TRMT9B: variants seen among roughly 807,000 people sequenced by gnomAD.
TRMT9B encodes the protein tRNA methyltransferase 9B (putative).
A neutral mutation model predicts 11.5 loss-of-function variants in TRMT9B; 16 were observed. The observed-to-expected ratio is 1.39, with a 90% CI of 0.94 to 2.11. TRMT9B has a LOEUF of 2.11. TRMT9B is among the 30% of genes most tolerant of loss of function. The pLI is 0.00. For missense variants in TRMT9B, 941 were observed against 553.8 expected, an observed-to-expected ratio of 1.70 and a Z score of -7.02; for synonymous variants, 274 against 192.4, an observed-to-expected ratio of 1.42 and a Z score of -3.51.
At chr8:13,019,707 C>G (rs902717970) in intron 4 of TRMT9B, among the ~76,000 whole-genome samples, 3 of 152,212 alleles carry the variant, frequency 2.0e-5, no homozygotes, top group African/African-American at 7.2e-5. Context: ...CAGGACTCTA[C>G]TTCTAGAAAG....
chr8:13,010,776 T>C, intron 3 of TRMT9B: 1 of 982,982 alleles, frequency 1.0e-6, no homozygotes, highest in Non-Finnish European at 1.2e-6. Flanking sequence ...AGGTTATTTT[T>C]CTTAAAATAG....
chr8:12,993,517 G>T (rs1043451152), intron 2 of TRMT9B, among the ~76,000 whole-genome samples: 2 of 152,156 alleles, frequency 1.3e-5, no homozygotes, highest in African/African-American at 4.8e-5. Context: ...GGATAGATGT[G>T]GGGGGTGCAG....
At chr8:13,008,874 G>T (rs1811013462) in intron 3 of TRMT9B, among the ~76,000 whole-genome samples, 1 of 152,036 alleles carries the variant, frequency 6.6e-6, no homozygotes, top group South Asian at 2.1e-4. Context: ...GACTACAGTT[G>T]CCCGCCACCA....
At chr8:12,951,878 C>A (rs955493480) in intron 1 of TRMT9B, 1 of 152,330 alleles carries the variant, frequency 6.6e-6, no homozygotes, top group Non-Finnish European at 1.5e-5. Context: ...GCGAAGCACC[C>A]CCGACCGGGC....
intron 2 of TRMT9B, among the ~76,000 whole-genome samples, chr8:12,994,726 G>A (rs1045638038): frequency 1.2e-4 from 19 of 152,044 alleles, no homozygotes; most frequent in East Asian, 1.9e-4. Flanking sequence ...CTGTTGCCCC[G>A]GCTGGAGTGC....
In TRMT9B at chr8:13,021,758, T is replaced by G; in HGVS notation, c.1079T>G (p.Val360Gly). The G allele has an allele frequency of 6.2e-7, 1 of 1,613,984 alleles. No individual in the cohort carries two copies. The part of the protein sequence containing the change: ...LDSTNTGVNC[V>G]DAGNIEDDNP... ...AGCACTAATACTGGTGTGAATTGTG[T>G]GGATGCAGGCAACATAGAAGATGAT... Residue 360 changes from valine (V) to glycine (G), a missense_variant, in exon 5 of 5, where the codon GTG (valine) becomes GGG (glycine). By Grantham distance (109) the Val-to-Gly change is moderately radical (BLOSUM62 -3). Transcript: ENST00000524591.
At chr8:12,950,685 A>G (rs9694138) in intron 1 of TRMT9B, among the ~76,000 whole-genome samples, 8,738 of 152,280 alleles carry the variant, frequency 0.057, 661 homozygotes, top group African/African-American at 0.16. Flanking sequence ...CTGTGGCACT[A>G]GAAAACGATT....
chr8:13,024,093 G>C lies in TRMT9B; in HGVS notation c.*2049G>C, dbSNP rs562693537. 1 of 140,082 alleles carries C rather than the reference G, an allele frequency of 7.1e-6. No individual in the cohort carries two copies. Among genetic ancestry groups the C allele is most frequent in the Non-Finnish European group, 1.5e-5 (1 of 65,610 alleles). The allele number at this position is 140,082 out of a possible 1,614,324, so 8.7% of individuals were successfully genotyped here. A position where few individuals can be genotyped will look rare whatever the true frequency, so the allele number is the denominator to read the frequency against. ...GAGTCTCGCTCTGTCGCCCAGGCTG[G>C]AGTGCACTGGCGCGATCTCGGCTCA... On this transcript the variant is annotated 3_prime_UTR_variant, in exon 5 of 5. Coordinates refer to ENST00000524591, the MANE Select transcript of TRMT9B (RefSeq NM_020844.3).
intron 4 of TRMT9B, among the ~76,000 whole-genome samples, chr8:13,020,349 G>A (rs764361545): frequency 1.3e-5 from 2 of 152,150 alleles, no homozygotes; most frequent in Admixed American, 6.6e-5. Context: ...ACACACTTAT[G>A]ACTTGATAAA....
chr8:12,985,107 T>A (rs920578666), intron 1 of TRMT9B, among the ~76,000 whole-genome samples: 5 of 152,250 alleles, frequency 3.3e-5, no homozygotes, highest in African/African-American at 1.2e-4. Flanking sequence ...TTGACATTTT[T>A]CGAGGAAAAC....
At chr8:13,003,317 C>CG (rs1809805998) in intron 2 of TRMT9B, among the ~76,000 whole-genome samples, 1 of 151,918 alleles carries the variant, frequency 6.6e-6, no homozygotes, top group Non-Finnish European at 1.5e-5. Flanking sequence ...TGGGATACCA[C>CG]TCACTCACAT....
chr8:13,011,874 T>C, intron 3 of TRMT9B: 1 of 983,148 alleles, frequency 1.0e-6, no homozygotes, highest in Middle Eastern at 5.2e-4. Context: ...AAGTTCAAAT[T>C]TTAAAAATTT....
chr8:12,954,852 G>A (rs1375114238), intron 1 of TRMT9B, among the ~76,000 whole-genome samples: 2 of 152,140 alleles, frequency 1.3e-5, no homozygotes, highest in Admixed American at 1.3e-4. Flanking sequence ...ACCACTCAAA[G>A]AAGACATTTT....
In TRMT9B at chr8:13,016,026, C is replaced by T. The variant is rs558569048; in HGVS notation, c.328+3169C>T. Among the ~76,000 whole-genome samples the T allele has an allele frequency of 2.5e-3, 382 of 150,746 alleles. 2 individuals are homozygous for T. The highest frequency in any genetic ancestry group is 8.5e-3 in the African/African-American group (347 of 41,046). The stretch of plus-strand genomic sequence containing the variant: ...TTTGGGAGGCTGGGGTGAGAGGATC[C>T]TTTGAGTTCAGGAGTTTGAGTCCAG... On this transcript the variant is annotated intron_variant, in intron 4 of 4. Coordinates refer to ENST00000524591, the MANE Select transcript of TRMT9B (RefSeq NM_020844.3).
chr8:12,998,831 C>T (rs1808835819), intron 2 of TRMT9B, among the ~76,000 whole-genome samples: 1 of 152,202 alleles, frequency 6.6e-6, no homozygotes, highest in African/African-American at 2.4e-5. Flanking sequence ...TGAATATGTG[C>T]ATAGCTTTCC....
rs1478641933 is a variant in TRMT9B, at chr8:13,021,845, C to T, written c.1166C>T (p.Pro389Leu). 2 of 1,613,536 alleles carry T rather than the reference C, an allele frequency of 1.2e-6. No individual in the cohort carries two copies. Among genetic ancestry groups the T allele is most frequent in the African/African-American group, 1.3e-5 (1 of 74,906 alleles). Residue 389 changes from proline to leucine, a missense_variant, in exon 5 of 5, where the codon CCA becomes CTA. Physicochemically the swap from Pro to Leu is moderately conservative, Grantham distance 98 (BLOSUM62 -3). Coordinates refer to ENST00000524591, the MANE Select transcript of TRMT9B (RefSeq NM_020844.3). ...ISAVDSTDFNPDDTMSVEDPQ... is the reference protein window; with the variant it reads ...ISAVDSTDFNLDDTMSVEDPQ... ...GCAGTTGATTCCACAGATTTCAACC[C>T]AGATGATACAATGTCTGTCGAAGAT...
chr8:13,023,446 T>C lies in TRMT9B; in HGVS notation c.*1402T>C, dbSNP rs182986266. The C allele has an allele frequency of 3.0e-5, 5 of 167,206 alleles. No individual in the cohort carries two copies. The highest frequency in any genetic ancestry group is 6.5e-5 in the Admixed American group (1 of 15,306). The allele number at this position is 167,206 out of a possible 1,614,324, so 10.4% of individuals were successfully genotyped here. A position where few individuals can be genotyped will look rare whatever the true frequency, so the allele number is the denominator to read the frequency against. On this transcript the variant is annotated 3_prime_UTR_variant, in exon 5 of 5. Transcript: ENST00000524591. Reference sequence around the variant, plus strand: ...TTAGGTAGAATCAACTTCTACTGATTACAGGTTGAATTTCTGTCACTTTGT... The same window carrying C: ...TTAGGTAGAATCAACTTCTACTGATCACAGGTTGAATTTCTGTCACTTTGT...
At position 13,012,930 on chromosome 8, in the gene TRMT9B, T is replaced by G. The variant is rs1420859234; in HGVS notation, c.328+73T>G. 1.2e-5 allele frequency: 18 copies of G among 1,514,330 alleles called. No individual in the cohort carries two copies. In the South Asian group the frequency reaches 2.4e-4, roughly 20 times the overall value. The allele number at this position is 1,514,330 out of a possible 1,614,324, so 93.8% of individuals were successfully genotyped here. On this transcript the variant is annotated intron_variant, in intron 4 of 4. Coordinates refer to ENST00000524591, the MANE Select transcript of TRMT9B (RefSeq NM_020844.3). ...ACCCGGTTTAGTCCGTTCTCATGACTCAACATCCGTTCTGTGTAGAAATGT... is the reference window on the plus strand; with the variant it reads ...ACCCGGTTTAGTCCGTTCTCATGACGCAACATCCGTTCTGTGTAGAAATGT...
rs570404574 is a variant in TRMT9B at position 13,026,056 on chromosome 8, C to G, written c.*4012C>G. 6.0e-6 allele frequency: 1 copy of G among 166,890 alleles called. No individual in the cohort carries two copies. Among genetic ancestry groups the G allele is most frequent in the Non-Finnish European group, 1.5e-5 (1 of 68,084 alleles). 10.3% of individuals were successfully genotyped at this position (166,890 alleles called of 1,614,324 possible). A position where few individuals can be genotyped will look rare whatever the true frequency, so the allele number is the denominator to read the frequency against. Reference sequence around the variant, plus strand: ...TTGGAGGAGAACAGAAGTTCTAACTCAGTACTTGAACTTGGTGGGGGAGGG... The same window carrying G: ...TTGGAGGAGAACAGAAGTTCTAACTGAGTACTTGAACTTGGTGGGGGAGGG... On this transcript the variant is annotated 3_prime_UTR_variant, in exon 5 of 5. Transcript: ENST00000524591.
Sources: allele counts gnomAD v4.1 joint callset (sites outside exome capture counted in the v4.1 genomes callset), GRCh38; gene constraint gnomAD v4.1.1; transcripts MANE v1.5; gene names NCBI Gene and HGNC (gene_info 2026-07-23, HGNC 2026-07-21).